Variants in RBFOX1 observed in about 807,000 individuals in gnomAD.
The protein encoded by RBFOX1 is RNA binding protein fox-1 homolog 1.
Under a neutral mutation model 57.7 loss-of-function variants are expected in RBFOX1, and 8 were observed. The ratio of observed to expected loss-of-function variants is 0.14; its 90% CI spans 0.08 to 0.25. The LOEUF is 0.25. Among genes scored for constraint, RBFOX1 ranks in the 10% least tolerant of loss-of-function variants. RBFOX1 has a pLI of 1.00. For missense variants in RBFOX1, 611 were observed against 548.5 expected, an observed-to-expected ratio of 1.11 and a Z score of -1.14; for synonymous variants, 326 against 222.4, an observed-to-expected ratio of 1.47 and a Z score of -4.15.
chr16:7,653,034 A>C (rs2065421069), intron 11 of RBFOX1, among the ~76,000 whole-genome samples: 1 of 152,344 alleles, frequency 6.6e-6, no homozygotes, highest in Admixed American at 6.5e-5. Flanking sequence ...TGTGTATACA[A>C]ATATGTTCAT....
chr16:6,786,114 A>C (rs532431228), intron 3 of RBFOX1, among the ~76,000 whole-genome samples: 28 of 152,254 alleles, frequency 1.8e-4, no homozygotes, highest in African/African-American at 6.5e-4. Flanking sequence ...ACTTTGGCAA[A>C]AGTCTGCATG....
intron 2 of RBFOX1, among the ~76,000 whole-genome samples, chr16:6,535,407 C>T (rs544285128): frequency 7.3e-6 from 1 of 136,460 alleles, no homozygotes; most frequent in Non-Finnish European, 1.6e-5. Context: ...ACAAGCCCTG[C>T]CACCCTAAAT....
intron 2 of RBFOX1, among the ~76,000 whole-genome samples, chr16:5,488,089 GTGA>G (rs1169214996): frequency 1.3e-5 from 2 of 149,652 alleles, no homozygotes; most frequent in Non-Finnish European, 3.0e-5. Context: ...GAGGATTATG[GTGA>G]TGATGGTGAT....
At chr16:6,731,893 T>C (rs2068709468) in intron 3 of RBFOX1, among the ~76,000 whole-genome samples, 1 of 152,138 alleles carries the variant, frequency 6.6e-6, no homozygotes, top group African/African-American at 2.4e-5. Flanking sequence ...AGTATCTGGG[T>C]CTTCCTATGT....
chr16:5,910,441 C>T (rs1314527132), intron 4 of RBFOX1, among the ~76,000 whole-genome samples: 1 of 152,204 alleles, frequency 6.6e-6, no homozygotes, highest in Non-Finnish European at 1.5e-5. Context: ...CATCCCTCTG[C>T]CTTCAGGCAG....
At chr16:5,605,337 A>G (rs187172169) in intron 3 of RBFOX1, among the ~76,000 whole-genome samples, 9 of 152,192 alleles carry the variant, frequency 5.9e-5, no homozygotes, top group Non-Finnish European at 8.8e-5. Context: ...GCCTGTAACC[A>G]TGTATGGAGA....
At chr16:7,643,475 C>T (rs541522219) in intron 11 of RBFOX1, among the ~76,000 whole-genome samples, 1 of 152,250 alleles carries the variant, frequency 6.6e-6, no homozygotes, top group East Asian at 1.9e-4. Flanking sequence ...GCAGATCTTC[C>T]AAGGCTTTGA....
At chr16:5,472,276 C>T (rs1186163255) in intron 2 of RBFOX1, among the ~76,000 whole-genome samples, 2 of 152,094 alleles carry the variant, frequency 1.3e-5, no homozygotes, top group Non-Finnish European at 2.9e-5. Context: ...GGGAGGAGGG[C>T]CTGGCATTGC....
chr16:5,860,748 G>A (rs1399695219), intron 3 of RBFOX1, among the ~76,000 whole-genome samples: 2 of 152,136 alleles, frequency 1.3e-5, no homozygotes, highest in Non-Finnish European at 2.9e-5. Flanking sequence ...AGAGAAGAAT[G>A]AGTCATGGGT....
At chr16:7,703,458 G>A (rs1464895367) in intron 14 of RBFOX1, among the ~76,000 whole-genome samples, 1 of 152,146 alleles carries the variant, frequency 6.6e-6, no homozygotes, top group Admixed American at 6.5e-5. Flanking sequence ...TATCTCTGGG[G>A]TGAGAAGCAT....
intron 2 of RBFOX1, among the ~76,000 whole-genome samples, chr16:5,468,241 G>A (rs950263753): frequency 2.6e-5 from 4 of 152,170 alleles, no homozygotes; most frequent in African/African-American, 7.2e-5. Flanking sequence ...CAATTGAGAA[G>A]TATTTAGTAC....
At chr16:6,952,788 C>T (rs142919848) in intron 3 of RBFOX1, among the ~76,000 whole-genome samples, 1 of 152,082 alleles carries the variant, frequency 6.6e-6, no homozygotes, top group Non-Finnish European at 1.5e-5. Context: ...CCAGCCTGGC[C>T]AACATGGTGA....
chr16:7,459,202 A>C (rs976284796), intron 4 of RBFOX1, among the ~76,000 whole-genome samples: 1 of 152,114 alleles, frequency 6.6e-6, no homozygotes, highest in African/African-American at 2.4e-5. Context: ...AAAAGAAAGA[A>C]TTTGGCCTTG....
At chr16:6,161,568 T>TAGA (rs1324812394) in intron 1 of RBFOX1, among the ~76,000 whole-genome samples, 1 of 152,038 alleles carries the variant, frequency 6.6e-6, no homozygotes, top group African/African-American at 2.4e-5. Context: ...ACTCAGGAAA[T>TAGA]ATGTCTGGAA....
intron 4 of RBFOX1, among the ~76,000 whole-genome samples, chr16:7,501,942 C>G (rs1052157241): frequency 3.3e-5 from 5 of 152,194 alleles, no homozygotes; most frequent in African/African-American, 1.2e-4. Flanking sequence ...AGCACAGTCC[C>G]TGACATCCAA....
chr16:7,288,704 G>A (rs2095699152), intron 4 of RBFOX1, among the ~76,000 whole-genome samples: 1 of 152,192 alleles, frequency 6.6e-6, no homozygotes, highest in African/African-American at 2.4e-5. Context: ...AGCCAGGCAT[G>A]ATGGCACATG....
At position 6,598,576 on chromosome 16, in the gene RBFOX1, A is replaced by G. The variant is rs141202965; in HGVS notation, c.-63-56027A>G. Among the ~76,000 whole-genome samples, 15 of 152,354 alleles carry G rather than the reference A, an allele frequency of 9.8e-5. No homozygotes were observed. The East Asian group carries it at 1.3e-3, about 14-fold the overall frequency. ...ACATGAGAAACACTTTAAAAGTTCAATATAAAAGGACTTGTAGTTTATGAT... is the reference window on the plus strand; with the variant it reads ...ACATGAGAAACACTTTAAAAGTTCAGTATAAAAGGACTTGTAGTTTATGAT... On this transcript the variant is annotated intron_variant, in intron 2 of 15. Coordinates refer to ENST00000550418, the MANE Select transcript of RBFOX1 (RefSeq NM_018723.4).
At chr16:7,445,252 A>G (rs990511227) in intron 4 of RBFOX1, among the ~76,000 whole-genome samples, 1 of 152,172 alleles carries the variant, frequency 6.6e-6, no homozygotes, top group African/African-American at 2.4e-5. Flanking sequence ...GTGGAAAGAA[A>G]TTAATAATAG....
chr16:5,830,559 C>G (rs2056229585), intron 3 of RBFOX1, among the ~76,000 whole-genome samples: 1 of 152,114 alleles, frequency 6.6e-6, no homozygotes, highest in Admixed American at 6.6e-5. Flanking sequence ...GTGGTGACTT[C>G]TAGCTCCATT....
Sources: gnomAD v4.1 joint callset for allele counts (sites outside exome capture counted in the v4.1 genomes callset) on GRCh38, gnomAD v4.1.1 for gene constraint, MANE v1.5 for transcripts, NCBI Gene and HGNC (gene_info 2026-07-23, HGNC 2026-07-21) for gene names.